The following EYS variants were observed in gnomAD, a reference collection of about 807,000 sequenced individuals.
EYS encodes the protein EGF-like photoreceptor maintenance factor.
EYS carries 250 observed loss-of-function variants against 282.1 expected under a neutral mutation model. That is an observed-to-expected ratio of 0.89 (90% CI 0.80 to 0.98). EYS has a LOEUF of 0.98. Ranked by LOEUF, EYS falls within the 50% of genes least tolerant of loss-of-function variation. EYS has a pLI of 0.00. For synonymous variants in EYS, 1,355 were observed against 1,282.9 expected (o/e 1.06, Z -1.20); for missense variants, 4,016 against 3,709.0 (o/e 1.08, Z -2.15).
intron 12 of EYS, among the ~76,000 whole-genome samples, chr6:65,182,548 C>T (rs1765416362): frequency 1.4e-5 from 2 of 144,172 alleles, no homozygotes; most frequent in African/African-American, 5.8e-5. Flanking sequence ...TTTTAAATTT[C>T]CTTGACATGT....
chr6:65,329,268 A>G, intron 11 of EYS: 1 of 738,482 alleles, frequency 1.4e-6, no homozygotes, highest in Non-Finnish European at 1.7e-6. Flanking sequence ...ATGAAACTTG[A>G]AACTTTATTA....
chr6:65,622,615 T>A (rs1425940816), intron 2 of EYS, among the ~76,000 whole-genome samples: 1 of 152,158 alleles, frequency 6.6e-6, no homozygotes, highest in Non-Finnish European at 1.5e-5. Context: ...ATATTTGGGA[T>A]ACCTGGTTTG....
rs559555837 is a variant in EYS at position 65,564,134 on chromosome 6, A to C, written c.-332-68141T>G. Among the ~76,000 whole-genome samples, 150 of 152,270 alleles carry C rather than the reference A, an allele frequency of 9.9e-4. 2 individuals carry two copies. The South Asian group carries it at 0.03, about 30-fold the overall frequency. On this transcript the variant is annotated intron_variant, in intron 2 of 42. Coordinates refer to ENST00000503581, the MANE Select transcript of EYS (RefSeq NM_001142800.2). Reference sequence around the variant, plus strand: ...AAGGAAATGAGAGAGGACACAAACAAATGGAAAAACATTGCGTGCTCATAG... The same window carrying C: ...AAGGAAATGAGAGAGGACACAAACACATGGAAAAACATTGCGTGCTCATAG...
chr6:64,187,330 A>G (rs1337541075), intron 31 of EYS, among the ~76,000 whole-genome samples: 1 of 152,084 alleles, frequency 6.6e-6, no homozygotes, highest in African/African-American at 2.4e-5. Flanking sequence ...TAATGATGTC[A>G]CAAGAAATAA....
chr6:65,374,268 C>T (rs562525209), intron 8 of EYS, among the ~76,000 whole-genome samples: 222 of 152,152 alleles, frequency 1.5e-3, no homozygotes, highest in Non-Finnish European at 2.8e-3. Flanking sequence ...CATTGCCTCA[C>T]CTAGGAAGTG....
rs558913159 is a variant in EYS, at chr6:64,305,083, AAAAG to A, written c.6191+1883_6191+1886del. 2.3e-4 allele frequency among the ~76,000 whole-genome samples: 35 copies of A among 152,332 alleles called. No homozygotes were observed. The South Asian group carries it at 3.7e-3, about 16-fold the overall frequency. ...TTAGTTAGATGGATTAAGGAAAATA[AAAAG>A]AAGACTCAATTAACTGAACTTAGTT... On this transcript the variant is annotated intron_variant, in intron 30 of 42. Coordinates refer to ENST00000503581, the MANE Select transcript of EYS (RefSeq NM_001142800.2).
intron 12 of EYS, among the ~76,000 whole-genome samples, chr6:65,288,128 G>A (rs190937474): frequency 9.9e-5 from 15 of 151,072 alleles, no homozygotes; most frequent in Admixed American, 3.3e-4. Context: ...TTTTAAATTC[G>A]TTAAATATCT....
At chr6:64,522,564 C>A (rs1582849654) in intron 26 of EYS, among the ~76,000 whole-genome samples, 2 of 151,564 alleles carry the variant, frequency 1.3e-5, no homozygotes, top group African/African-American at 4.8e-5. Flanking sequence ...TAAACAATTT[C>A]CTGATAATCC....
chr6:63,937,548 T>G (rs1326341407), intron 35 of EYS, among the ~76,000 whole-genome samples: 4 of 150,794 alleles, frequency 2.7e-5, no homozygotes, highest in Admixed American at 1.3e-4. Context: ...GACCGGTTAA[T>G]TTTTTTGTAT....
chr6:64,547,066 C>T (rs531874807), intron 26 of EYS, among the ~76,000 whole-genome samples: 12 of 152,242 alleles, frequency 7.9e-5, no homozygotes, highest in African/African-American at 2.9e-4. Context: ...GGAATTTCTT[C>T]CTTCTGGTGG....
chr6:63,835,136 G>T (rs2149694137), intron 36 of EYS, among the ~76,000 whole-genome samples: 1 of 151,460 alleles, frequency 6.6e-6, no homozygotes, highest in Non-Finnish European at 1.5e-5. Context: ...CACCAACATG[G>T]CATATGTATA....
chr6:65,013,412 G>T (rs1045882417), intron 13 of EYS, among the ~76,000 whole-genome samples: 1 of 152,122 alleles, frequency 6.6e-6, no homozygotes, highest in African/African-American at 2.4e-5. Flanking sequence ...GAGGTGGGGG[G>T]CAGGTGTTTA....
intron 22 of EYS, among the ~76,000 whole-genome samples, chr6:64,683,656 T>C (rs1178936078): frequency 2.0e-5 from 3 of 152,168 alleles, no homozygotes; most frequent in African/African-American, 7.2e-5. Context: ...ATGGCTGACA[T>C]TTTCCCAAAC....
chr6:65,648,655 A>G (rs544615755), intron 1 of EYS, among the ~76,000 whole-genome samples: 1 of 152,124 alleles, frequency 6.6e-6, no homozygotes, highest in Non-Finnish European at 1.5e-5. Context: ...TCACCATTAG[A>G]GTACTTATTC....
chr6:64,056,833 T>G (rs377198901), intron 33 of EYS, among the ~76,000 whole-genome samples: 15 of 152,302 alleles, frequency 9.8e-5, no homozygotes, highest in African/African-American at 2.9e-4. Flanking sequence ...GTGAACATAA[T>G]GTCATCATGA....
chr6:64,411,107 T>G (rs4286758), intron 28 of EYS, among the ~76,000 whole-genome samples: 42,103 of 151,948 alleles, frequency 0.28, 5,959 homozygotes, highest in East Asian at 0.46. Context: ...TGAATCTTCC[T>G]TAAAGGGATG....
rs116316936 is a variant in EYS at position 64,525,716 on chromosome 6, A to T, written c.5644+64507T>A. 7.8e-3 allele frequency among the ~76,000 whole-genome samples: 1,190 copies of T among 151,968 alleles called. 17 individuals carry two copies. Among genetic ancestry groups the T allele is most frequent in the African/African-American group, 0.028 (1,156 of 41,524 alleles). On this transcript the variant is annotated intron_variant, in intron 26 of 42. Transcript: ENST00000503581. Reference sequence around the variant, plus strand: ...AATAAAAATAAAAAACAGTGACAACACCAAAGACTGATGAGGATGCAGGGA... The same window carrying T: ...AATAAAAATAAAAAACAGTGACAACTCCAAAGACTGATGAGGATGCAGGGA...
At chr6:65,464,148 G>C (rs1388494134) in intron 5 of EYS, among the ~76,000 whole-genome samples, 1 of 152,088 alleles carries the variant, frequency 6.6e-6, no homozygotes, top group Non-Finnish European at 1.5e-5. Context: ...GCGGTCCCCA[G>C]TTAATGCAGA....
At chr6:65,526,127 G>A (rs910955842) in intron 2 of EYS, among the ~76,000 whole-genome samples, 2 of 152,176 alleles carry the variant, frequency 1.3e-5, no homozygotes, top group African/African-American at 2.4e-5. Context: ...TAGCATGTCA[G>A]TTAGGGCTTT....
Sources: allele counts gnomAD v4.1 joint callset (sites outside exome capture counted in the v4.1 genomes callset), GRCh38; gene constraint gnomAD v4.1.1; transcripts MANE v1.5; gene names NCBI Gene and HGNC (gene_info 2026-07-23, HGNC 2026-07-21).